Variants in IFT81 observed in about 807,000 individuals in gnomAD.
The protein encoded by IFT81 is intraflagellar transport 81, also known as intraflagellar transport protein 81 homolog.
A neutral mutation model predicts 102.6 loss-of-function variants in IFT81; 72 were observed. That is an observed-to-expected ratio of 0.70 (90% confidence interval 0.58 to 0.85). IFT81 has a LOEUF of 0.85. Among genes scored for constraint, IFT81 ranks in the 40% least tolerant of loss-of-function variants. The pLI is 0.00. For missense variants in IFT81, 723 were observed against 787.3 expected (o/e 0.92, Z 0.98); for synonymous variants, 237 against 242.7 (o/e 0.98, Z 0.22).
Position 110,134,308 on chromosome 12 carries a change from G to A in IFT81, c.520-640G>A, listed in dbSNP as rs137903621. ...CCAAATTCTGTCAATACTGACTACC[G>A]TGTATATTTTACCTTTACTATTACT... On this transcript the variant is annotated intron_variant, in intron 5 of 18. Transcript: ENST00000242591. 7.0e-3 allele frequency among the ~76,000 whole-genome samples: 1,072 copies of A among 152,210 alleles called. 1 individual carries two copies. Among genetic ancestry groups the A allele is most frequent in the Non-Finnish European group, 9.5e-3 (644 of 68,022 alleles).
chr12:110,182,892 A>C (rs1182066393), intron 12 of IFT81, among the ~76,000 whole-genome samples: 6 of 152,154 alleles, frequency 3.9e-5, no homozygotes, highest in Non-Finnish European at 8.8e-5. Context: ...CTATACTTTC[A>C]TCTCATGGTT....
At chr12:110,203,103 T>C (rs1462563232) in intron 14 of IFT81, among the ~76,000 whole-genome samples, 2 of 151,952 alleles carry the variant, frequency 1.3e-5, no homozygotes. Flanking sequence ...CCATCTCTAC[T>C]AAAAATATAA....
At chr12:110,210,859 T>C (rs1869313619) in intron 18 of IFT81, among the ~76,000 whole-genome samples, 1 of 150,310 alleles carries the variant, frequency 6.7e-6, no homozygotes, top group Admixed American at 6.6e-5. Flanking sequence ...ATCTTTTTCC[T>C]TTTTTTTTCG....
intron 18 of IFT81, among the ~76,000 whole-genome samples, chr12:110,215,618 T>C (rs901513533): frequency 1.3e-5 from 2 of 151,164 alleles, no homozygotes; most frequent in African/African-American, 4.9e-5. Flanking sequence ...TGTGCCACCA[T>C]ACACAACTAA....
At chr12:110,174,792 A>C (rs1251987219) in intron 11 of IFT81, among the ~76,000 whole-genome samples, 1 of 152,240 alleles carries the variant, frequency 6.6e-6, no homozygotes, top group East Asian at 1.9e-4. Flanking sequence ...TAAATACACA[A>C]AAGGAAAAAG....
At chr12:110,194,215 C>T (rs1280534843) in intron 14 of IFT81, among the ~76,000 whole-genome samples, 5 of 152,116 alleles carry the variant, frequency 3.3e-5, no homozygotes, top group Admixed American at 2.0e-4. Flanking sequence ...AACAGTTTGA[C>T]GTGAGATTTG....
chr12:110,136,404 TG>T (rs897210914), intron 7 of IFT81, among the ~76,000 whole-genome samples: 1 of 152,226 alleles, frequency 6.6e-6, no homozygotes, highest in Non-Finnish European at 1.5e-5. Context: ...AAGCCCTGAA[TG>T]GTTACTTGGC....
At chr12:110,126,336 A>G (rs1019217991) in intron 1 of IFT81, among the ~76,000 whole-genome samples, 1 of 151,934 alleles carries the variant, frequency 6.6e-6, no homozygotes, top group East Asian at 1.9e-4. Flanking sequence ...AAGCACAGAT[A>G]AAGTGTGGTC....
chr12:110,212,595 G>C (rs1280962985), intron 18 of IFT81, among the ~76,000 whole-genome samples: 1 of 151,308 alleles, frequency 6.6e-6, no homozygotes, highest in African/African-American at 2.4e-5. Context: ...CCAGCACTTT[G>C]GGAGGCCAAG....
At chr12:110,126,530 G>A (rs1464320988) in intron 1 of IFT81, among the ~76,000 whole-genome samples, 1 of 152,176 alleles carries the variant, frequency 6.6e-6, no homozygotes, top group Non-Finnish European at 1.5e-5. Context: ...ACTAAAGGCA[G>A]AGTGATAGAA....
chr12:110,197,743 A>C (rs1035647464), intron 14 of IFT81, among the ~76,000 whole-genome samples: 1 of 150,782 alleles, frequency 6.6e-6, no homozygotes, highest in East Asian at 1.9e-4. Flanking sequence ...ATGGAGTTTC[A>C]CTCTTGTTGC....
chr12:110,155,424 C>A (rs1895787218), intron 10 of IFT81, among the ~76,000 whole-genome samples: 2 of 151,400 alleles, frequency 1.3e-5, no homozygotes, highest in South Asian at 4.1e-4. Context: ...GATTCTCCTG[C>A]CTCAGCCTCC....
rs61739628 is a variant in IFT81 at position 110,128,986 on chromosome 12, A to T, written c.285A>T (p.Lys95Asn). The stretch of plus-strand genomic sequence containing the variant: ...GTCAGGGTTTGGTGATTGGAAGTAA[A>T]CCTGTAATTTACCCAGTGCTCCACT... ...TFRQGLVIGS[K>N]PVIYPVLHWL... Residue 95 changes from lysine to asparagine, a missense_variant, in exon 4 of 19, where the codon AAA becomes AAT. Lys to Asn is a moderately conservative substitution (Grantham distance 94, BLOSUM62 0). Coordinates refer to ENST00000242591, the MANE Select transcript of IFT81 (RefSeq NM_014055.4). 1.2e-6 allele frequency: 2 copies of T among 1,613,594 alleles called. No individual in the cohort carries two copies. The highest frequency in any genetic ancestry group is 2.2e-5 in the South Asian group (2 of 91,002).
Position 110,155,018 on chromosome 12 carries a change from A to G in IFT81, c.1042-7901A>G, listed in dbSNP as rs77753042. Among the ~76,000 whole-genome samples the G allele has an allele frequency of 2.4e-3, 360 of 150,230 alleles. 2 individuals are homozygous for G. The highest frequency in any genetic ancestry group is 8.3e-3 in the African/African-American group (345 of 41,416). On this transcript the variant is annotated intron_variant, in intron 10 of 18. Coordinates refer to ENST00000242591, the MANE Select transcript of IFT81 (RefSeq NM_014055.4). The stretch of plus-strand genomic sequence containing the variant: ...ATACAATTGTCTTTTTCTGTGTTCA[A>G]TTCTGTCAGTTTTTGCTTCATATAT...
At chr12:110,205,730 A>G (rs762740012) in intron 17 of IFT81, 50 bp downstream of exon 17, 22 of 1,189,258 alleles carry the variant, frequency 1.8e-5, no homozygotes, top group Non-Finnish European at 2.5e-5. Context: ...TTTCACCAAT[A>G]AAAGTTTTAT....
intron 11 of IFT81, among the ~76,000 whole-genome samples, chr12:110,179,250 T>C (rs903299625): frequency 6.6e-6 from 1 of 152,204 alleles, no homozygotes; most frequent in Non-Finnish European, 1.5e-5. Context: ...TCCAATGGAC[T>C]GCTACCAAAA....
chr12:110,205,170 G>GT (rs1362943434), intron 15 of IFT81: 1 of 201,998 alleles, frequency 5.0e-6, no homozygotes. Context: ...CGAGGAGGAG[G>GT]TTGCAGTGAG....
intron 18 of IFT81, among the ~76,000 whole-genome samples, chr12:110,216,021 G>A (rs1490953066): frequency 6.6e-6 from 1 of 152,094 alleles, no homozygotes; most frequent in Non-Finnish European, 1.5e-5. Context: ...AGTATACACT[G>A]TTTCAGGATA....
chr12:110,170,381 C>T (rs910169600), intron 11 of IFT81, among the ~76,000 whole-genome samples: 13 of 152,104 alleles, frequency 8.5e-5, no homozygotes, highest in African/African-American at 2.7e-4. Context: ...CCTCTTTTGG[C>T]GTGATTTTTG....
Sources: gnomAD v4.1 joint callset for allele counts (sites outside exome capture counted in the v4.1 genomes callset) on GRCh38, gnomAD v4.1.1 for gene constraint, MANE v1.5 for transcripts, NCBI Gene and HGNC (gene_info 2026-07-23, HGNC 2026-07-21) for gene names.